Variants in RTN1 observed in about 807,000 individuals in gnomAD.
RTN1 encodes the protein reticulon 1.
In RTN1, 25 loss-of-function variants were observed where a neutral mutation model predicts 65.5. That is an observed-to-expected ratio of 0.38 (90% CI 0.28 to 0.53). RTN1 has a LOEUF of 0.53. Ranked by LOEUF, RTN1 falls within the 20% of genes least tolerant of loss-of-function variation. The pLI is 0.79. For synonymous variants in RTN1, 471 were observed against 447.6 expected (o/e 1.05, Z -0.66); for missense variants, 983 against 1,025.4 (o/e 0.96, Z 0.57).
intron 3 of RTN1, among the ~76,000 whole-genome samples, chr14:59,658,837 T>C (rs969809971): frequency 6.6e-6 from 1 of 152,078 alleles, no homozygotes; most frequent in Non-Finnish European, 1.5e-5. Context: ...CTCCAAAGGA[T>C]CACAACTCTT....
intron 1 of RTN1, among the ~76,000 whole-genome samples, chr14:59,791,430 T>C (rs966247830): frequency 6.6e-6 from 1 of 152,206 alleles, no homozygotes; most frequent in Non-Finnish European, 1.5e-5. Flanking sequence ...TGCATGCTGC[T>C]CTCCTTTCTG....
chr14:59,833,714 T>A (rs1396962915), intron 1 of RTN1, among the ~76,000 whole-genome samples: 2 of 152,128 alleles, frequency 1.3e-5, no homozygotes, highest in Non-Finnish European at 2.9e-5. Context: ...GGCCCTGGTG[T>A]CTATTGTTCC....
chr14:59,628,289 C>A (rs919796534), intron 3 of RTN1, among the ~76,000 whole-genome samples: 1 of 152,118 alleles, frequency 6.6e-6, no homozygotes, highest in Non-Finnish European at 1.5e-5. Context: ...AAAGGTGGGG[C>A]CCAGGCATCC....
intron 3 of RTN1, among the ~76,000 whole-genome samples, chr14:59,725,857 A>G (rs1884746702): frequency 6.6e-6 from 1 of 152,244 alleles, no homozygotes; most frequent in Admixed American, 6.5e-5. Context: ...CATTGAAGTT[A>G]GCATAGACAC....
chr14:59,753,761 A>G (rs1885578595), intron 1 of RTN1, among the ~76,000 whole-genome samples: 1 of 152,236 alleles, frequency 6.6e-6, no homozygotes, highest in South Asian at 2.1e-4. Context: ...CTGAGAGAGC[A>G]CAAGCCATTT....
chr14:59,630,335 G>A (rs1882510705), intron 3 of RTN1: 10 of 1,348,572 alleles, frequency 7.4e-6, no homozygotes, highest in Non-Finnish European at 1.1e-5. Context: ...ACAAAGCTCT[G>A]GGGTATAAAG....
chr14:59,608,133 T>C (rs1881825875), intron 3 of RTN1, among the ~76,000 whole-genome samples: 1 of 152,162 alleles, frequency 6.6e-6, no homozygotes, highest in South Asian at 2.1e-4. Flanking sequence ...GGAAATACTT[T>C]AAATATTCCA....
rs565526692 is a variant in RTN1, at chr14:59,756,462, T to G, written c.242-9981A>C. Among the ~76,000 whole-genome samples, 49 of 152,316 alleles carry G rather than the reference T, an allele frequency of 3.2e-4. No homozygotes were observed. The South Asian group carries it at 0.01, about 32-fold the overall frequency. On this transcript the variant is annotated intron_variant, in intron 1 of 8. Coordinates refer to ENST00000267484, the MANE Select transcript of RTN1 (RefSeq NM_021136.3). ...GTACAATTCAGAAGTGTTTGTATAC[T>G]AATAGTTATTCAACCACCACCACTA...
At chr14:59,800,168 T>C (rs144293606) in intron 1 of RTN1, among the ~76,000 whole-genome samples, 15 of 152,124 alleles carry the variant, frequency 9.9e-5, no homozygotes, top group African/African-American at 3.6e-4. Flanking sequence ...CAGTAACCCA[T>C]TGTGAGAGGA....
chr14:59,823,459 C>T (rs911243583), intron 1 of RTN1, among the ~76,000 whole-genome samples: 6 of 152,068 alleles, frequency 3.9e-5, no homozygotes, highest in Non-Finnish European at 8.8e-5. Context: ...CCATGTTTAG[C>T]ACTCCCTTAA....
At chr14:59,636,373 C>A (rs893942846) in intron 3 of RTN1, among the ~76,000 whole-genome samples, 1 of 152,166 alleles carries the variant, frequency 6.6e-6, no homozygotes, top group Non-Finnish European at 1.5e-5. Flanking sequence ...CCTTGCTCCA[C>A]TCTCGCCATG....
chr14:59,643,892 GA>G (rs35689536), intron 3 of RTN1, among the ~76,000 whole-genome samples: 20 of 150,234 alleles, frequency 1.3e-4, no homozygotes, highest in African/African-American at 4.2e-4. Context: ...CCATACTCAA[GA>G]AAAAAAAATA....
At chr14:59,678,893 T>C (rs767619782) in intron 3 of RTN1, among the ~76,000 whole-genome samples, 22 of 152,230 alleles carry the variant, frequency 1.4e-4, no homozygotes, top group Non-Finnish European at 2.5e-4. Flanking sequence ...AGAATGTACA[T>C]TTTTAACAGG....
chr14:59,750,156 T>TAA, intron 1 of RTN1, among the ~76,000 whole-genome samples: 1 of 55,358 alleles, frequency 1.8e-5, no homozygotes, highest in Non-Finnish European at 2.9e-5. Flanking sequence ...ATATTATAGA[T>TAA]AATATATATT....
intron 3 of RTN1, among the ~76,000 whole-genome samples, chr14:59,615,556 T>G (rs1448032590): frequency 6.6e-6 from 1 of 152,208 alleles, no homozygotes; most frequent in African/African-American, 2.4e-5. Context: ...AAAATTGATC[T>G]GCTGTTTAAT....
intron 1 of RTN1, among the ~76,000 whole-genome samples, chr14:59,819,408 A>AC (rs1566737409): frequency 5.3e-5 from 1 of 18,756 alleles, no homozygotes; most frequent in African/African-American, 6.2e-4. Context: ...CATCCACACC[A>AC]CCACCACCCC....
chr14:59,788,996 A>G (rs1269565069), intron 1 of RTN1, among the ~76,000 whole-genome samples: 5 of 151,990 alleles, frequency 3.3e-5, no homozygotes, highest in African/African-American at 1.2e-4. Context: ...CATTTGGTAG[A>G]TTTTCAATTT....
rs143419683 is a variant in RTN1 at position 59,810,666 on chromosome 14, A to G, written c.241+59724T>C. On this transcript the variant is annotated intron_variant, in intron 1 of 8. Coordinates refer to ENST00000267484, the MANE Select transcript of RTN1 (RefSeq NM_021136.3). ...AAATATGCTTAGGGTGTATGGGAAT[A>G]TTGTGACATCGGTGGGGAGGAACAC... Among the ~76,000 whole-genome samples, 4 of 152,316 alleles carry G rather than the reference A, an allele frequency of 2.6e-5. No homozygotes were observed. The East Asian group carries it at 7.7e-4, about 29-fold the overall frequency.
At chr14:59,627,801 T>G (rs1429429194) in intron 3 of RTN1, among the ~76,000 whole-genome samples, 1 of 152,194 alleles carries the variant, frequency 6.6e-6, no homozygotes, top group Non-Finnish European at 1.5e-5. Context: ...CTTCATGAAA[T>G]ATTCAATCTG....
Sources: allele counts gnomAD v4.1 joint callset (sites outside exome capture counted in the v4.1 genomes callset), GRCh38; gene constraint gnomAD v4.1.1; transcripts MANE v1.5; gene names NCBI Gene and HGNC (gene_info 2026-07-23, HGNC 2026-07-21).